The following GALNTL5 variants were observed in gnomAD, a reference collection of about 807,000 sequenced individuals.
GALNTL5 encodes the protein inactive polypeptide N-acetylgalactosaminyltransferase-like protein 5.
In GALNTL5, 44 loss-of-function variants were observed where a neutral mutation model predicts 51.0. The observed-to-expected ratio is 0.86, with a 90% CI of 0.68 to 1.11. The LOEUF is 1.11. Ranked by LOEUF, GALNTL5 falls within the 50% of genes least tolerant of loss-of-function variation. The probability of loss-of-function intolerance (pLI) is 0.00; values close to 1 mark genes in which losing one functional copy is unlikely to be tolerated. For synonymous variants in GALNTL5, 192 were observed against 182.8 expected, an observed-to-expected ratio of 1.05 and a Z score of -0.41; for missense variants, 528 against 531.8, an observed-to-expected ratio of 0.99 and a Z score of 0.07.
chr7:151,967,469 G>A lies in GALNTL5; in HGVS notation c.223G>A (p.Glu75Lys), dbSNP rs1217719851. The A allele has an allele frequency of 3.7e-6, 6 of 1,613,832 alleles. No individual in the cohort carries two copies. ...TCATGTAATAGTCAAAAGGACTGAT[G>A]AAGATAAAGCAAAGTCTATGTTAGG... The part of the protein sequence containing the change: ...KPHVIVKRTD[E>K]DKAKSMLGTD... Residue 75 changes from glutamate (E) to lysine (K), a missense_variant, in exon 2 of 9, where the codon GAA becomes AAA. Glu to Lys is a moderately conservative substitution (Grantham distance 56, BLOSUM62 1). Coordinates refer to ENST00000392800, the MANE Select transcript of GALNTL5 (RefSeq NM_145292.4).
intron 5 of GALNTL5, among the ~76,000 whole-genome samples, chr7:151,992,521 C>T (rs1162083159): frequency 6.6e-6 from 1 of 152,138 alleles, no homozygotes; most frequent in African/African-American, 2.4e-5. Context: ...CCCTCGGCTC[C>T]GCCTCTCTGT....
chr7:151,964,545 G>A (rs1459852845), intron 1 of GALNTL5, among the ~76,000 whole-genome samples: 1 of 152,080 alleles, frequency 6.6e-6, no homozygotes, highest in Non-Finnish European at 1.5e-5. Flanking sequence ...GCCATCCATG[G>A]TGTGGCTTGC....
chr7:152,014,585 G>T lies in GALNTL5; in HGVS notation c.1027-59G>T, dbSNP rs2151962157. The T allele has an allele frequency of 2.6e-6, 4 of 1,513,282 alleles. No individual in the cohort carries two copies. The East Asian group carries it at 9.3e-5, about 35-fold the overall frequency. 93.7% of individuals were successfully genotyped at this position (1,513,282 alleles called of 1,614,324 possible). On this transcript the variant is annotated intron_variant, in intron 7 of 8. Transcript: ENST00000392800. ...ACCTGGCCATTATATTGGTTTAAAAGCAGTTGCCTGTTAGCAGTAATAATG... is the reference window on the plus strand; with the variant it reads ...ACCTGGCCATTATATTGGTTTAAAATCAGTTGCCTGTTAGCAGTAATAATG...
intron 6 of GALNTL5, among the ~76,000 whole-genome samples, chr7:152,007,190 G>T (rs2081655949): frequency 6.6e-6 from 1 of 152,114 alleles, no homozygotes; most frequent in South Asian, 2.1e-4. Flanking sequence ...AATGTCTTTA[G>T]AAAGGGAGAG....
chr7:151,962,442 T>A (rs1562999814), intron 1 of GALNTL5, among the ~76,000 whole-genome samples: 1 of 147,704 alleles, frequency 6.8e-6, no homozygotes, highest in African/African-American at 2.5e-5. Context: ...TTTTCTTTTT[T>A]TTTTTTTTTG....
chr7:152,003,063 TC>T (rs2081602854), intron 6 of GALNTL5, 100 bp downstream of exon 6: 2 of 1,025,524 alleles, frequency 2.0e-6, no homozygotes, highest in Non-Finnish European at 2.9e-6. Flanking sequence ...TTGGGCTTAA[TC>T]AAAATGTTAT....
At chr7:151,996,794 T>TAAA (rs60393786) in intron 5 of GALNTL5, among the ~76,000 whole-genome samples, 2,232 of 146,072 alleles carry the variant, frequency 0.015, 48 homozygotes, top group African/African-American at 0.045. Context: ...AACGTGTAGG[T>TAAA]AAAAAAAAAA....
chr7:151,963,983 A>G (rs2081026212), intron 1 of GALNTL5, among the ~76,000 whole-genome samples: 2 of 152,146 alleles, frequency 1.3e-5, no homozygotes, highest in South Asian at 4.1e-4. Flanking sequence ...TGCCATAACC[A>G]AGTCCAACAG....
chr7:152,001,041 G>A (rs2151956026), intron 5 of GALNTL5, among the ~76,000 whole-genome samples: 1 of 150,006 alleles, frequency 6.7e-6, no homozygotes, highest in Non-Finnish European at 1.5e-5. Flanking sequence ...AAGTAGCTGG[G>A]ATTACAGGCA....
intron 1 of GALNTL5, among the ~76,000 whole-genome samples, chr7:151,958,349 A>G (rs888783238): frequency 6.6e-6 from 1 of 152,210 alleles, no homozygotes; most frequent in African/African-American, 2.4e-5. Flanking sequence ...GGGCACCAGC[A>G]TCTGGATGAG....
intron 5 of GALNTL5, among the ~76,000 whole-genome samples, chr7:151,999,802 T>C (rs2151955284): frequency 6.6e-6 from 1 of 152,294 alleles, no homozygotes; most frequent in East Asian, 1.9e-4. Context: ...TGAAAACATA[T>C]GTGTTAAAAA....
At chr7:151,999,222 A>T (rs554965332) in intron 5 of GALNTL5, among the ~76,000 whole-genome samples, 8 of 152,200 alleles carry the variant, frequency 5.3e-5, no homozygotes, top group African/African-American at 1.9e-4. Flanking sequence ...TTATGGTTGA[A>T]TAATATTCCA....
intron 2 of GALNTL5, among the ~76,000 whole-genome samples, chr7:151,969,829 T>C (rs553322698): frequency 4.6e-5 from 7 of 152,284 alleles, no homozygotes; most frequent in Non-Finnish European, 8.8e-5. Context: ...GCTTTTGAGA[T>C]GGAGTCTCGC....
intron 5 of GALNTL5, among the ~76,000 whole-genome samples, chr7:151,990,035 C>T (rs1371765476): frequency 6.6e-6 from 1 of 151,718 alleles, no homozygotes; most frequent in Admixed American, 6.6e-5. Flanking sequence ...TTGTGTTGAG[C>T]AGAATTTTAT....
At chr7:152,016,732 T>C (rs1197113240) in intron 8 of GALNTL5, among the ~76,000 whole-genome samples, 4 of 152,126 alleles carry the variant, frequency 2.6e-5, no homozygotes, top group African/African-American at 9.7e-5. Flanking sequence ...TATAATCCTA[T>C]ACAGCAATGA....
chr7:151,992,522 G>A (rs1041499700), intron 5 of GALNTL5, among the ~76,000 whole-genome samples: 1 of 152,072 alleles, frequency 6.6e-6, no homozygotes, highest in East Asian at 1.9e-4. Flanking sequence ...CCTCGGCTCC[G>A]CCTCTCTGTT....
intron 4 of GALNTL5, among the ~76,000 whole-genome samples, chr7:151,983,648 C>T (rs1416937597): frequency 4.6e-5 from 7 of 152,032 alleles, no homozygotes; most frequent in African/African-American, 1.2e-4. Context: ...GGTGGAGGGG[C>T]GGTGCTTCCA....
chr7:152,012,586 C>A (rs2081751068), intron 7 of GALNTL5, among the ~76,000 whole-genome samples: 2 of 152,192 alleles, frequency 1.3e-5, no homozygotes, highest in South Asian at 4.1e-4. Context: ...ATACATTGTT[C>A]TACCATAAAG....
intron 4 of GALNTL5, among the ~76,000 whole-genome samples, 175 bp downstream of exon 4, chr7:151,983,327 G>GCA (rs2081319150): frequency 6.6e-6 from 1 of 152,048 alleles, no homozygotes; most frequent in East Asian, 1.9e-4. Flanking sequence ...ACAGGTGCAT[G>GCA]CCACCACGCC....
Sources: gnomAD v4.1 joint callset for allele counts (sites outside exome capture counted in the v4.1 genomes callset) on GRCh38, gnomAD v4.1.1 for gene constraint, MANE v1.5 for transcripts, NCBI Gene and HGNC (gene_info 2026-07-23, HGNC 2026-07-21) for gene names.